The following RBFOX2 variants were observed in gnomAD, a reference collection of about 807,000 sequenced individuals.
RBFOX2 encodes RNA binding fox-1 homolog 2.
Under a neutral mutation model 49.1 loss-of-function variants are expected in RBFOX2, and 10 were observed. That is an observed-to-expected ratio of 0.20 (90% CI 0.13 to 0.35). The LOEUF (loss-of-function observed/expected upper bound fraction) is 0.35, where lower values mean the gene tolerates loss of function less well. RBFOX2 is among the 10% of genes least tolerant of loss of function. The pLI is 1.00. For synonymous variants in RBFOX2, 183 were observed against 187.4 expected (o/e 0.98, Z 0.19); for missense variants, 323 against 486.9 (o/e 0.66, Z 3.17).
At chr22:35,877,566 C>T (rs929590907) in intron 1 of RBFOX2, among the ~76,000 whole-genome samples, 1 of 152,162 alleles carries the variant, frequency 6.6e-6, no homozygotes, top group Non-Finnish European at 1.5e-5. Context: ...ATTTACTATG[C>T]ACCAAGAACT....
intron 1 of RBFOX2, among the ~76,000 whole-genome samples, chr22:35,858,322 C>T (rs1392129153): frequency 3.3e-5 from 5 of 151,992 alleles, no homozygotes; most frequent in Admixed American, 2.6e-4. Flanking sequence ...GTTTTCTTAC[C>T]CATTTCAAAA....
At chr22:35,899,016 G>A (rs2048215052) in intron 1 of RBFOX2, among the ~76,000 whole-genome samples, 1 of 152,006 alleles carries the variant, frequency 6.6e-6, no homozygotes, top group Non-Finnish European at 1.5e-5. Context: ...TACTCAGGAG[G>A]CTGAGGCAGG....
intron 2 of RBFOX2, among the ~76,000 whole-genome samples, chr22:35,787,255 T>A (rs1031718284): frequency 2.6e-5 from 4 of 152,140 alleles, no homozygotes; most frequent in African/African-American, 9.6e-5. Flanking sequence ...GCCAGGCTGG[T>A]TTGAACTCCT....
chr22:35,834,245 C>A (rs1396293995), intron 1 of RBFOX2, among the ~76,000 whole-genome samples: 1 of 152,180 alleles, frequency 6.6e-6, no homozygotes, highest in African/African-American at 2.4e-5. Context: ...TGCCTAGTTT[C>A]CTCTTTTGTA....
chr22:35,807,083 C>T (rs1267897845), intron 2 of RBFOX2, among the ~76,000 whole-genome samples: 2 of 152,250 alleles, frequency 1.3e-5, no homozygotes, highest in South Asian at 2.1e-4. Context: ...GGATTACAGG[C>T]GTGAGCCACC....
chr22:35,846,678 C>T (rs546569337), intron 1 of RBFOX2, among the ~76,000 whole-genome samples: 2 of 152,128 alleles, frequency 1.3e-5, no homozygotes, highest in Admixed American at 6.6e-5. Flanking sequence ...CTGCTTGAAC[C>T]CGGGAGGCAG....
chr22:35,840,562 C>T (rs1298351236), exon 1 of RBFOX2: 1 of 1,195,382 alleles, frequency 8.4e-7, no homozygotes, highest in Non-Finnish European at 1.0e-6. Flanking sequence ...CATCTCCCAA[C>T]TCCAGAAGCA....
chr22:35,756,738 A>G (rs1454298148), intron 9 of RBFOX2, among the ~76,000 whole-genome samples: 1 of 152,166 alleles, frequency 6.6e-6, no homozygotes, highest in Non-Finnish European at 1.5e-5. Flanking sequence ...TAGACATGCG[A>G]TAAGATTTGG....
chr22:35,935,776 G>C (rs1008070697), intron 1 of RBFOX2, among the ~76,000 whole-genome samples: 1 of 152,144 alleles, frequency 6.6e-6, no homozygotes, highest in Non-Finnish European at 1.5e-5. Flanking sequence ...TCAGACAGAA[G>C]GGGAAATTTC....
chr22:35,992,200 AAG>A (rs1385483180), intron 1 of RBFOX2: 1 of 152,154 alleles, frequency 6.6e-6, no homozygotes, highest in Admixed American at 6.5e-5. Context: ...ATACAACTCA[AAG>A]TATCATTACT....
chr22:35,978,107 A>C (rs1382188662), intron 1 of RBFOX2, among the ~76,000 whole-genome samples: 1 of 152,064 alleles, frequency 6.6e-6, no homozygotes, highest in Non-Finnish European at 1.5e-5. Flanking sequence ...CGGTTGGAAA[A>C]CTGGCTACAC....
At chr22:35,817,477 AAAATAAAT>A (rs35010904) in intron 1 of RBFOX2, among the ~76,000 whole-genome samples, 29,855 of 149,376 alleles carry the variant, frequency 0.2, 4,187 homozygotes, top group African/African-American at 0.4. Context: ...ACTTTGTCTC[AAAATAAAT>A]AAATAAATAA....
chr22:35,863,238 T>C (rs2043299352), intron 1 of RBFOX2, among the ~76,000 whole-genome samples: 1 of 152,206 alleles, frequency 6.6e-6, no homozygotes, highest in African/African-American at 2.4e-5. Flanking sequence ...ATATTTATGT[T>C]ATTTTTGTAA....
intron 1 of RBFOX2, among the ~76,000 whole-genome samples, chr22:35,925,061 G>T (rs940556392): frequency 6.6e-6 from 1 of 151,798 alleles, no homozygotes; most frequent in South Asian, 2.1e-4. Flanking sequence ...ACGTGGTGGC[G>T]CATACTTGTA....
intron 1 of RBFOX2, among the ~76,000 whole-genome samples, chr22:35,831,387 C>T (rs924244398): frequency 5.3e-5 from 8 of 151,944 alleles, no homozygotes; most frequent in East Asian, 1.9e-4. Flanking sequence ...GATCCGAGAT[C>T]GCACCACTGC....
intron 1 of RBFOX2, among the ~76,000 whole-genome samples, chr22:35,858,087 G>A (rs2042704516): frequency 6.6e-6 from 1 of 152,114 alleles, no homozygotes; most frequent in African/African-American, 2.4e-5. Flanking sequence ...TTAGTAATAT[G>A]AGTAAAAAGA....
intron 2 of RBFOX2, among the ~76,000 whole-genome samples, chr22:35,782,654 C>T (rs1945438590): frequency 1.3e-5 from 2 of 152,166 alleles, no homozygotes. Context: ...AATCTGTACT[C>T]TCCTCCCTAA....
At chr22:35,769,156 C>T (rs2146664983) in intron 4 of RBFOX2, among the ~76,000 whole-genome samples, 1 of 152,090 alleles carries the variant, frequency 6.6e-6, no homozygotes, top group South Asian at 2.1e-4. Flanking sequence ...ATGTTTATAC[C>T]TGCTATTAAA....
chr22:35,854,800 ATTT>A (rs1196361578), intron 1 of RBFOX2, among the ~76,000 whole-genome samples: 1 of 152,096 alleles, frequency 6.6e-6, no homozygotes, highest in East Asian at 1.9e-4. Flanking sequence ...TTTCTGTAAA[ATTT>A]TTTTAATTGC....
Sources: gnomAD v4.1 joint callset for allele counts (sites outside exome capture counted in the v4.1 genomes callset) on GRCh38, gnomAD v4.1.1 for gene constraint, MANE v1.5 for transcripts, NCBI Gene and HGNC (gene_info 2026-07-23, HGNC 2026-07-21) for gene names.